The following JAK1 variants were observed in gnomAD, a reference collection of about 807,000 sequenced individuals.
The protein encoded by JAK1 is tyrosine-protein kinase JAK1.
In JAK1, 16 loss-of-function variants were observed where a neutral mutation model predicts 136.6. That is an observed-to-expected ratio of 0.12 (90% CI 0.08 to 0.18). JAK1 has a LOEUF of 0.18. JAK1 is among the 10% of genes least tolerant of loss of function. The pLI is 1.00. For synonymous variants in JAK1, 492 were observed against 519.5 expected (o/e 0.95, Z 0.72); for missense variants, 859 against 1,450.1 (o/e 0.59, Z 6.62).
At chr1:65,026,850 C>T (rs1646981592) in intron 2 of JAK1, among the ~76,000 whole-genome samples, 1 of 151,630 alleles carries the variant, frequency 6.6e-6, no homozygotes, top group East Asian at 2.0e-4. Flanking sequence ...ACCTCTGGAG[C>T]CAGAGGCAGG....
intron 1 of JAK1, among the ~76,000 whole-genome samples, chr1:64,948,325 T>C (rs1310622624): frequency 1.3e-5 from 2 of 152,230 alleles, no homozygotes; most frequent in East Asian, 1.9e-4. Context: ...TCTGACTTAA[T>C]GCAAGCAAAG....
intron 1 of JAK1, among the ~76,000 whole-genome samples, chr1:64,923,782 T>C (rs1222589819): frequency 2.0e-5 from 3 of 152,186 alleles, no homozygotes; most frequent in African/African-American, 4.8e-5. Flanking sequence ...TTGCCAGGTC[T>C]TACTGATATG....
At chr1:64,952,945 G>T (rs1470625882) in intron 1 of JAK1, among the ~76,000 whole-genome samples, 2 of 152,178 alleles carry the variant, frequency 1.3e-5, no homozygotes, top group Non-Finnish European at 2.9e-5. Context: ...CAAAGCGGTT[G>T]AATAACTTGC....
intron 2 of JAK1, chr1:64,989,379 C>A (rs927377657): frequency 1.0e-4 from 15 of 147,934 alleles, no homozygotes; most frequent in Non-Finnish European, 4.5e-5. Flanking sequence ...AAAATAAACT[C>A]AAAAATGGTA....
Position 64,838,550 on chromosome 1 carries a change from G to A in JAK1, c.2882C>T (p.Ser961Leu), listed in dbSNP as rs1163790865. The change falls in exon 21 of 25, where the codon TCG (serine) becomes TTG (leucine). Residue 961 changes from serine to leucine, a missense_variant. Transcript: ENST00000342505. The stretch of plus-strand genomic sequence containing the variant: ...TGGAAGATATTCCTTAAGGCTTCCC[G>A]AAGGCAGAAATTCCATGATGAGCTT... The part of the protein sequence containing the change: ...GIKLIMEFLP[S>L]GSLKEYLPKN... 25 of 1,613,712 alleles carry A rather than the reference G, an allele frequency of 1.5e-5. No homozygotes were observed. The highest frequency in any genetic ancestry group is 3.3e-5 in the South Asian group (3 of 91,074).
intron 1 of JAK1, among the ~76,000 whole-genome samples, chr1:65,048,479 C>G (rs752016912): frequency 6.6e-6 from 1 of 152,160 alleles, no homozygotes; most frequent in Non-Finnish European, 1.5e-5. Context: ...AGGAGTTGGA[C>G]TAAGGTCGCT....
chr1:65,025,719 C>G (rs1324828753), intron 2 of JAK1, among the ~76,000 whole-genome samples: 2 of 152,004 alleles, frequency 1.3e-5, no homozygotes, highest in Non-Finnish European at 2.9e-5. Flanking sequence ...ACTCTGTCAC[C>G]CAGGCTAGAG....
At chr1:64,960,656 A>G (rs1646267434) in intron 1 of JAK1, among the ~76,000 whole-genome samples, 1 of 152,188 alleles carries the variant, frequency 6.6e-6, no homozygotes, top group Non-Finnish European at 1.5e-5. Context: ...GAGTTAAAGC[A>G]AAGATTCCTC....
Position 64,850,896 on chromosome 1 carries a change from G to A in JAK1, c.1663C>T (p.Leu555=). 6.2e-7 allele frequency: 1 copy of A among 1,612,960 alleles called. No homozygotes were observed. The highest frequency in any genetic ancestry group is 8.5e-7 in the Non-Finnish European group (1 of 1,178,940). ...QPKPREISNL[L]VATKKAQEWQ... ...TCCTGGGCTTTCTTAGTAGCCACCA[G>A]CAGGTTGGAGATTTCTGTGGAAGAG... The change falls in exon 12 of 25, where the codon CTG becomes TTG. Residue 555 remains leucine, a synonymous_variant. Transcript: ENST00000342505.
rs367692680 is a variant in JAK1, at chr1:64,889,381, G to C, written c.-77-3040C>G. Among the ~76,000 whole-genome samples, 125 of 152,254 alleles carry C rather than the reference G, an allele frequency of 8.2e-4. 1 individual carries two copies. Among genetic ancestry groups the C allele is most frequent in the African/African-American group, 2.9e-3 (119 of 41,532 alleles). ...AGGAAGAGTAATCAGAAGGTTTTTG[G>C]TGATAGCAGTGAATTCTTCCACCCG... On this transcript the variant is annotated intron_variant, in intron 1 of 24. Transcript: ENST00000342505.
At chr1:64,994,028 C>T (rs1017869540) in intron 2 of JAK1, among the ~76,000 whole-genome samples, 2 of 152,172 alleles carry the variant, frequency 1.3e-5, no homozygotes, top group Non-Finnish European at 2.9e-5. Flanking sequence ...ACAGCCTCAA[C>T]CTCCTAGGCT....
intron 1 of JAK1, among the ~76,000 whole-genome samples, chr1:64,925,943 T>C (rs1239745604): frequency 2.0e-5 from 3 of 152,138 alleles, no homozygotes; most frequent in African/African-American, 7.2e-5. Flanking sequence ...ACTATAGTGG[T>C]ACCTCTCCTC....
upstream of JAK1, among the ~76,000 whole-genome samples, chr1:64,969,503 A>G (rs1646431185): frequency 6.6e-6 from 1 of 151,028 alleles, no homozygotes. Flanking sequence ...ATCACACCCC[A>G]CTGAGAACCA....
At chr1:64,993,368 T>G (rs1049037051) in intron 2 of JAK1, 9 of 152,342 alleles carry the variant, frequency 5.9e-5, no homozygotes, top group Middle Eastern at 3.4e-3. Context: ...GTAGAGAGGA[T>G]AACACCTACC....
intron 1 of JAK1, among the ~76,000 whole-genome samples, chr1:65,046,080 T>C (rs899218636): frequency 2.6e-5 from 4 of 152,236 alleles, no homozygotes; most frequent in Non-Finnish European, 5.9e-5. Context: ...GTCACTCTTT[T>C]AAGAACTGTC....
At chr1:64,946,101 T>TA (rs915650390) in intron 1 of JAK1, among the ~76,000 whole-genome samples, 17 of 151,988 alleles carry the variant, frequency 1.1e-4, no homozygotes, top group African/African-American at 3.9e-4. Context: ...ATAACAATAA[T>TA]AAAAAAATAA....
At chr1:64,925,121 G>A (rs1284461214) in intron 1 of JAK1, among the ~76,000 whole-genome samples, 1 of 152,108 alleles carries the variant, frequency 6.6e-6, no homozygotes, top group Non-Finnish European at 1.5e-5. Context: ...TCTAGGCTGG[G>A]CGCAGTGGCT....
intron 5 of JAK1, among the ~76,000 whole-genome samples, chr1:64,871,872 G>A (rs762244193): frequency 3.3e-5 from 5 of 152,130 alleles, no homozygotes; most frequent in African/African-American, 4.8e-5. Flanking sequence ...TGCTTTCCAC[G>A]TGTAACAAGA....
chr1:64,940,504 A>G (rs574864157), intron 1 of JAK1, among the ~76,000 whole-genome samples: 18 of 152,020 alleles, frequency 1.2e-4, no homozygotes, highest in African/African-American at 4.3e-4. Flanking sequence ...TTTAGTAGAG[A>G]TGGAGTTTCA....
Sources: gnomAD v4.1 joint callset for allele counts (sites outside exome capture counted in the v4.1 genomes callset) on GRCh38, gnomAD v4.1.1 for gene constraint, MANE v1.5 for transcripts, NCBI Gene and HGNC (gene_info 2026-07-23, HGNC 2026-07-21) for gene names.